Variants in GPD2 observed in about 807,000 individuals in gnomAD.
GPD2 encodes glycerol-3-phosphate dehydrogenase, mitochondrial.
GPD2 carries 54 observed loss-of-function variants against 82.4 expected under a neutral mutation model. The observed-to-expected ratio is 0.66, with a 90% CI of 0.53 to 0.82. The LOEUF (loss-of-function observed/expected upper bound fraction) is 0.82, where lower values mean the gene tolerates loss of function less well. GPD2 is among the 40% of genes least tolerant of loss of function. GPD2 has a pLI of 0.00. For synonymous variants in GPD2, 288 were observed against 306.1 expected (o/e 0.94, Z 0.62); for missense variants, 748 against 896.2 (o/e 0.83, Z 2.11).
intron 2 of GPD2, among the ~76,000 whole-genome samples, chr2:156,489,077 G>A (rs968928389): frequency 5.3e-5 from 8 of 152,134 alleles, no homozygotes; most frequent in Non-Finnish European, 8.8e-5. Context: ...TGATAGAGCT[G>A]CAGTTGTTCC....
intron 3 of GPD2, among the ~76,000 whole-genome samples, chr2:156,500,346 AC>A (rs1265933454): frequency 1.3e-5 from 2 of 152,166 alleles, no homozygotes; most frequent in Admixed American, 6.6e-5. Context: ...TTATCCTTTT[AC>A]TACAATTCCT....
chr2:156,524,588 AC>A (rs1334941579), intron 6 of GPD2, among the ~76,000 whole-genome samples: 1 of 152,104 alleles, frequency 6.6e-6, no homozygotes, highest in Non-Finnish European at 1.5e-5. Flanking sequence ...TGGCTGGCTT[AC>A]CCCATGAGCC....
At chr2:156,407,159 C>T in the GPD2 span, among the ~76,000 whole-genome samples, 1 of 152,320 alleles carries the variant, frequency 6.6e-6, no homozygotes, top group Admixed American at 6.5e-5. Flanking sequence ...TTGCAGTGAG[C>T]TGAGATCGCA....
At chr2:156,405,455 G>A in the GPD2 span, among the ~76,000 whole-genome samples, 10 of 152,150 alleles carry the variant, frequency 6.6e-5, no homozygotes, top group Non-Finnish European at 7.4e-5. Flanking sequence ...TGCTGAGGAC[G>A]CAGCCTTAGG....
chr2:156,439,849 A>AAAATAAATAAAT (rs59142687), intron 1 of GPD2, among the ~76,000 whole-genome samples: 3,907 of 147,608 alleles, frequency 0.026, 62 homozygotes, highest in East Asian at 0.044. Context: ...TCTGTCTCAA[A>AAAATAAATAAAT]AAATAAATAA....
At position 156,452,787 on chromosome 2, in the gene GPD2, CAGGAAGGA is replaced by C. The variant is rs543208616; in HGVS notation, c.-9+16278_-9+16285del. 1.6e-3 allele frequency among the ~76,000 whole-genome samples: 248 copies of C among 152,000 alleles called. 5 individuals carry two copies. The highest frequency in any genetic ancestry group is 5.2e-3 in the African/African-American group (217 of 41,424). ...TGTACAAATAAAATTTCTGAAGAGC[CAGGAAGGA>C]AGGGGATCTAGTGTACAAATAGAAT... On this transcript the variant is annotated intron_variant, in intron 1 of 16. Transcript: ENST00000438166.
At chr2:156,446,342 C>T (rs1230139166) in intron 1 of GPD2, among the ~76,000 whole-genome samples, 2 of 151,798 alleles carry the variant, frequency 1.3e-5, no homozygotes, top group African/African-American at 2.4e-5. Context: ...GCAGTCCGCC[C>T]GCCTCAACCT....
chr2:156,528,110 A>G (rs1685681620), intron 6 of GPD2, among the ~76,000 whole-genome samples: 1 of 152,174 alleles, frequency 6.6e-6, no homozygotes, highest in Admixed American at 6.5e-5. Flanking sequence ...CATTCTAATA[A>G]AAGAATAAAA....
chr2:156,566,782 A>C (rs1687407822), intron 9 of GPD2, among the ~76,000 whole-genome samples: 1 of 152,084 alleles, frequency 6.6e-6, no homozygotes, highest in East Asian at 1.9e-4. Flanking sequence ...ATCGCCATAC[A>C]TTTTTGATAG....
At chr2:156,487,916 T>C (rs1036006959) in intron 2 of GPD2, among the ~76,000 whole-genome samples, 2 of 152,246 alleles carry the variant, frequency 1.3e-5, no homozygotes, top group Non-Finnish European at 2.9e-5. Flanking sequence ...TTTTCCTCAA[T>C]TTTTAGCTAT....
intron 6 of GPD2, among the ~76,000 whole-genome samples, chr2:156,526,992 A>C (rs1685632254): frequency 6.6e-6 from 1 of 152,148 alleles, no homozygotes; most frequent in Non-Finnish European, 1.5e-5. Context: ...CATTCTTCAC[A>C]TATTTTCTAG....
At chr2:156,553,327 G>T (rs1686836155) in intron 8 of GPD2, among the ~76,000 whole-genome samples, 1 of 152,012 alleles carries the variant, frequency 6.6e-6, no homozygotes, top group South Asian at 2.1e-4. Context: ...AATATTTTTT[G>T]AATGAATCCT....
intron 4 of GPD2, among the ~76,000 whole-genome samples, 195 bp downstream of exon 4, chr2:156,511,115 CAG>C (rs1175085273): frequency 2.0e-5 from 3 of 152,016 alleles, no homozygotes; most frequent in Non-Finnish European, 4.4e-5. Flanking sequence ...TATGGGTAAT[CAG>C]GGGCTTTTTC....
intron 3 of GPD2, among the ~76,000 whole-genome samples, chr2:156,499,940 A>G (rs1684528027): frequency 6.6e-6 from 1 of 151,988 alleles, no homozygotes; most frequent in South Asian, 2.1e-4. Context: ...CTATTTATTG[A>G]ACAAATAAAC....
chr2:156,467,123 T>C (rs1683176899), intron 1 of GPD2, among the ~76,000 whole-genome samples: 1 of 152,208 alleles, frequency 6.6e-6, no homozygotes, highest in Admixed American at 6.5e-5. Flanking sequence ...TCATTCTTCT[T>C]TATGGAAATA....
At chr2:156,492,169 T>C (rs1364875470) in intron 2 of GPD2, among the ~76,000 whole-genome samples, 2 of 141,514 alleles carry the variant, frequency 1.4e-5, no homozygotes, top group Non-Finnish European at 3.1e-5. Flanking sequence ...TTTTTTTTTT[T>C]TTTGAGACAG....
the GPD2 span, among the ~76,000 whole-genome samples, chr2:156,400,687 A>T: frequency 2.6e-5 from 4 of 152,354 alleles, no homozygotes; most frequent in South Asian, 8.3e-4. Context: ...ATAAATTTTT[A>T]AAAATAAAGA....
At chr2:156,441,669 A>G (rs57322146) in intron 1 of GPD2, among the ~76,000 whole-genome samples, 87,611 of 152,140 alleles carry the variant, frequency 0.58, 25,539 homozygotes, top group East Asian at 0.77. Context: ...TAAGTCTAAC[A>G]GAAGTGTGGA....
chr2:156,420,212 C>T, the GPD2 span, among the ~76,000 whole-genome samples: 1 of 152,012 alleles, frequency 6.6e-6, no homozygotes, highest in Non-Finnish European at 1.5e-5. Context: ...GGCAGAGTCT[C>T]ACTCTGTGGA....
Sources: gnomAD v4.1 joint callset for allele counts (sites outside exome capture counted in the v4.1 genomes callset) on GRCh38, gnomAD v4.1.1 for gene constraint, MANE v1.5 for transcripts, NCBI Gene and HGNC (gene_info 2026-07-23, HGNC 2026-07-21) for gene names.